The following ARFGEF1 variants were observed in gnomAD, a reference collection of about 807,000 sequenced individuals.
The protein encoded by ARFGEF1 is ARF guanine nucleotide exchange factor 1, also known as brefeldin A-inhibited guanine nucleotide-exchange protein 1.
Under a neutral mutation model 231.0 loss-of-function variants are expected in ARFGEF1, and 42 were observed. The ratio of observed to expected loss-of-function variants is 0.18; its 90% confidence interval spans 0.14 to 0.24. ARFGEF1 has a LOEUF of 0.24. Among genes scored for constraint, ARFGEF1 ranks in the 10% least tolerant of loss-of-function variants. The pLI, the probability that ARFGEF1 is intolerant of heterozygous loss-of-function variation, is 1.00. For synonymous variants in ARFGEF1, 710 were observed against 732.3 expected, an observed-to-expected ratio of 0.97 and a Z score of 0.49; for missense variants, 1,345 against 2,192.0, an observed-to-expected ratio of 0.61 and a Z score of 7.72.
rs1195157542 is a variant in ARFGEF1, at chr8:67,311,774, T to C, written c.125-9308A>G. On this transcript the variant is annotated intron_variant, in intron 1 of 38. Transcript: ENST00000262215. ...CATTGAGAACGGGCCAGGATGACAA[T>C]GGCGGCTTTGTGGAATAGAAAGGCG... Among the ~76,000 whole-genome samples the C allele has an allele frequency of 2.0e-5, 3 of 152,204 alleles. No individual in the cohort carries two copies. In the East Asian group the frequency reaches 5.8e-4, roughly 29 times the overall value.
chr8:67,322,138 A>T (rs1221994649), intron 1 of ARFGEF1, among the ~76,000 whole-genome samples: 1 of 152,188 alleles, frequency 6.6e-6, no homozygotes, highest in Admixed American at 6.5e-5. Flanking sequence ...AGGTTGCCTC[A>T]GTCATATGTT....
chr8:67,285,449 C>T (rs943520915), intron 7 of ARFGEF1, among the ~76,000 whole-genome samples: 13 of 151,936 alleles, frequency 8.6e-5, no homozygotes, highest in Non-Finnish European at 1.5e-4. Flanking sequence ...CCCAAGAGAC[C>T]GAGGGTGCAG....
chr8:67,252,772 G>A (rs1840338771), intron 18 of ARFGEF1, among the ~76,000 whole-genome samples: 1 of 152,174 alleles, frequency 6.6e-6, no homozygotes, highest in African/African-American at 2.4e-5. Context: ...GGACTCTACA[G>A]TGATGTAACT....
chr8:67,280,606 G>C (rs1342239966), intron 7 of ARFGEF1, among the ~76,000 whole-genome samples: 1 of 152,142 alleles, frequency 6.6e-6, no homozygotes, highest in African/African-American at 2.4e-5. Flanking sequence ...TATAAAAAGT[G>C]TACAGCATTC....
chr8:67,193,143 T>TA (rs533207250), downstream of ARFGEF1, among the ~76,000 whole-genome samples: 41 of 152,132 alleles, frequency 2.7e-4, no homozygotes, highest in Non-Finnish European at 4.3e-4. Context: ...TTTTTTGAGA[T>TA]AGAGTCTCTG....
chr8:67,243,965 C>A (rs1010178607), intron 19 of ARFGEF1, among the ~76,000 whole-genome samples: 2 of 151,726 alleles, frequency 1.3e-5, no homozygotes, highest in African/African-American at 2.4e-5. Context: ...GCAGGCCAGG[C>A]GTGGTGGCTC....
At chr8:67,236,034 C>A (rs1370615460) in intron 22 of ARFGEF1, among the ~76,000 whole-genome samples, 1 of 151,812 alleles carries the variant, frequency 6.6e-6, no homozygotes, top group East Asian at 1.9e-4. Flanking sequence ...GTAGCTCACA[C>A]CTGTAATCCC....
In ARFGEF1 at chr8:67,308,045, C is replaced by T. The variant is rs549580462; in HGVS notation, c.125-5579G>A. On this transcript the variant is annotated intron_variant, in intron 1 of 38. Transcript: ENST00000262215. ...AGGCTACAAAAAATAGTTCCGTCAC[C>T]AGTCCCAGCTGAGCCCAGCTTTCAA... is the stretch of plus-strand genomic sequence containing the variant. Among the ~76,000 whole-genome samples, 22 of 152,290 alleles carry T rather than the reference C, an allele frequency of 1.4e-4. No homozygotes were observed. The South Asian group carries it at 4.6e-3, about 32-fold the overall frequency.
intron 1 of ARFGEF1, among the ~76,000 whole-genome samples, chr8:67,311,233 G>C (rs1170065365): frequency 1.4e-5 from 2 of 142,620 alleles, no homozygotes; most frequent in Non-Finnish European, 3.1e-5. Context: ...GTCCGGGAGG[G>C]AGGTGGGGAG....
chr8:67,288,724 C>T (rs1001911860), intron 6 of ARFGEF1, among the ~76,000 whole-genome samples: 7 of 151,550 alleles, frequency 4.6e-5, no homozygotes, highest in South Asian at 2.1e-4. Context: ...CAGAGCAAGA[C>T]GACGTCTCAA....
In ARFGEF1 at chr8:67,343,616, GC is replaced by G; in HGVS notation, c.-330del. 9.6e-7 allele frequency: 1 copy of G among 1,041,952 alleles called. No homozygotes were observed. The highest frequency in any genetic ancestry group is 1.2e-6 in the Non-Finnish European group (1 of 867,296). 64.5% of individuals were successfully genotyped at this position (1,041,952 alleles called of 1,614,324 possible). A position where few individuals can be genotyped will look rare whatever the true frequency, so the allele number is the denominator to read the frequency against. On this transcript the variant is annotated 5_prime_UTR_variant, in exon 1 of 39. Coordinates refer to ENST00000262215, the MANE Select transcript of ARFGEF1 (RefSeq NM_006421.5). ...GCCCTGGTGGCGGTGAGGGAGCCCGGCCCGGGCGGCTGTCTGCCGGGAACTG... is the reference window on the plus strand; with the variant it reads ...GCCCTGGTGGCGGTGAGGGAGCCCGGCCGGGCGGCTGTCTGCCGGGAACTG...
chr8:67,241,440 T>C (rs1587116309), intron 19 of ARFGEF1, among the ~76,000 whole-genome samples: 1 of 152,090 alleles, frequency 6.6e-6, no homozygotes, highest in Non-Finnish European at 1.5e-5. Flanking sequence ...TTATATTTTA[T>C]ACAAGAAGAG....
chr8:67,328,065 G>C (rs1175143978), intron 1 of ARFGEF1, among the ~76,000 whole-genome samples: 1 of 151,760 alleles, frequency 6.6e-6, no homozygotes, highest in East Asian at 1.9e-4. Context: ...AGATGAGGGA[G>C]ATAAAGAAGG....
At chr8:67,185,084 G>A (rs868141579) in intron 5 of ARFGEF1, among the ~76,000 whole-genome samples, 4 of 147,698 alleles carry the variant, frequency 2.7e-5, no homozygotes, top group East Asian at 2.0e-4. Flanking sequence ...CAGCCTGGGC[G>A]ACAGAGCAAG....
chr8:67,242,284 GC>G (rs1839955161), intron 19 of ARFGEF1, among the ~76,000 whole-genome samples: 1 of 152,208 alleles, frequency 6.6e-6, no homozygotes, highest in African/African-American at 2.4e-5. Context: ...ATAGCTTGTA[GC>G]TCCAAAACAG....
chr8:67,217,261 G>A (rs141082833), intron 32 of ARFGEF1, among the ~76,000 whole-genome samples: 53 of 144,548 alleles, frequency 3.7e-4, no homozygotes, highest in East Asian at 4.0e-4. Context: ...CCGAGATTGC[G>A]CCAATGCACT....
At chr8:67,229,216 C>T (rs540414920) in intron 23 of ARFGEF1, among the ~76,000 whole-genome samples, 1 of 152,182 alleles carries the variant, frequency 6.6e-6, no homozygotes, top group African/African-American at 2.4e-5. Flanking sequence ...TATTTAATAA[C>T]TTCCTCTAAG....
At chr8:67,218,205 A>ATATAT (rs1479884009) in intron 30 of ARFGEF1, 67 bp from the exon 31 acceptor site, 126 of 155,518 alleles carry the variant, frequency 8.1e-4, no homozygotes, top group African/African-American at 1.6e-3. Context: ...AAAAAAAAAA[A>ATATAT]AAATATATAT....
intron 6 of ARFGEF1, among the ~76,000 whole-genome samples, chr8:67,288,369 T>C (rs1042137813): frequency 2.0e-5 from 3 of 152,188 alleles, no homozygotes; most frequent in South Asian, 2.1e-4. Context: ...AAATGAAACA[T>C]TTCTAACATG....
Sources: allele counts gnomAD v4.1 joint callset (sites outside exome capture counted in the v4.1 genomes callset), GRCh38; gene constraint gnomAD v4.1.1; transcripts MANE v1.5; gene names NCBI Gene and HGNC (gene_info 2026-07-23, HGNC 2026-07-21).